The following NLRP9 variants were observed in gnomAD, a reference collection of about 807,000 sequenced individuals.
NLRP9 encodes the protein NACHT, LRR and PYD domains-containing protein 9.
NLRP9 carries 88 observed loss-of-function variants against 83.1 expected under a neutral mutation model. The observed-to-expected ratio is 1.06, with a 90% CI of 0.89 to 1.26. The LOEUF (loss-of-function observed/expected upper bound fraction) is 1.26. NLRP9 is among the 50% of genes most tolerant of loss of function. The pLI, the probability that NLRP9 is intolerant of heterozygous loss-of-function variation, is 0.00. For missense variants in NLRP9, 1,308 were observed against 1,179.3 expected, an observed-to-expected ratio of 1.11 and a Z score of -1.60; for synonymous variants, 521 against 447.6, an observed-to-expected ratio of 1.16 and a Z score of -2.07.
At chr19:55,712,078 C>CT in intron 7 of NLRP9, 108 bp from the exon 8 acceptor site, 1 of 1,125,444 alleles carries the variant, frequency 8.9e-7, no homozygotes, top group East Asian at 2.5e-5. Flanking sequence ...GCTCTGCTGT[C>CT]TAGACCCGGG....
In NLRP9 at chr19:55,712,765, G is replaced by A. The variant is rs374172562; in HGVS notation, c.2502-175C>T. Among the ~76,000 whole-genome samples the A allele has an allele frequency of 2.0e-4, 20 of 100,982 alleles. 1 individual carries two copies. In the South Asian group the frequency reaches 5.2e-3, roughly 26 times the overall value. The allele number at this position is 100,982 out of a possible 152,430, so 66.2% of individuals were successfully genotyped here. On this transcript the variant is annotated intron_variant, in intron 6 of 8. Coordinates refer to ENST00000332836, the MANE Select transcript of NLRP9 (RefSeq NM_176820.4). ...GAGGGAGGAGAGAAGAGCAGAGGAC[G>A]GGAGGGTGGGAGAATGAGGGAGGAG...
At chr19:55,731,956 C>T (rs762397926) in intron 2 of NLRP9, 43 bp downstream of exon 2, 4 of 1,303,624 alleles carry the variant, frequency 3.1e-6, no homozygotes, top group Non-Finnish European at 4.3e-6. Context: ...AGAGCAAACT[C>T]CAAGTGTAGT....
In NLRP9 at chr19:55,732,905, T is replaced by C. The variant is rs2122333050; in HGVS notation, c.926A>G (p.Tyr309Cys). 6.2e-7 allele frequency: 1 copy of C among 1,613,858 alleles called. No homozygotes were observed. Among genetic ancestry groups the C allele is most frequent in the Non-Finnish European group, 8.5e-7 (1 of 1,179,960 alleles). ...GGCTTTGCTCTTCTCACCAAAGAAG[T>C]AGGAGAAATACGACTTCTTTTCAGA... ...SESEKKSYFS[Y>C]FFGEKSKALK... Residue 309 changes from tyrosine (Y) to cysteine (C), a missense_variant, in exon 2 of 9, where the codon TAC becomes TGC. Transcript: ENST00000332836.
chr19:55,708,556 G>C lies in NLRP9; in HGVS notation c.*356C>G, dbSNP rs531028782. 2.4e-5 allele frequency: 4 copies of C among 167,572 alleles called. No homozygotes were observed. The highest frequency in any genetic ancestry group is 9.5e-5 in the African/African-American group (4 of 42,138). 10.4% of individuals were successfully genotyped at this position (167,572 alleles called of 1,614,324 possible). On this transcript the variant is annotated 3_prime_UTR_variant, in exon 9 of 9. Transcript: ENST00000332836. ...ACATTCTAGCATCACTTCTGTGTCA[G>C]AAGTATCCGGATTGTGGTGCCTACA... is the stretch of plus-strand genomic sequence containing the variant.
chr19:55,736,214 A>AC (rs1316446069), intron 1 of NLRP9, among the ~76,000 whole-genome samples: 1 of 151,460 alleles, frequency 6.6e-6, no homozygotes, highest in African/African-American at 2.4e-5. Context: ...ACACGGTGAG[A>AC]CCCCATCTCT....
At chr19:55,719,778 T>C (rs1020947) in intron 4 of NLRP9, among the ~76,000 whole-genome samples, 66,687 of 152,008 alleles carry the variant, frequency 0.44, 16,233 homozygotes, top group African/African-American at 0.66. Context: ...CCTGTGCAAA[T>C]GTTCATCCAC....
chr19:55,734,738 G>T (rs904264991), intron 1 of NLRP9, among the ~76,000 whole-genome samples: 1 of 151,248 alleles, frequency 6.6e-6, no homozygotes, highest in Non-Finnish European at 1.5e-5. Context: ...GGGTTCAAGC[G>T]ATTCTTCTGC....
intron 2 of NLRP9, among the ~76,000 whole-genome samples, chr19:55,731,702 T>A (rs1600141325): frequency 7.5e-6 from 1 of 133,606 alleles, no homozygotes. Context: ...CCAGCCTGGG[T>A]GATAGAGCAA....
Position 55,711,826 on chromosome 19 carries a change from G to T in NLRP9, c.2817C>A (p.His939Gln), listed in dbSNP as rs749535210. The T allele has an allele frequency of 6.2e-7, 1 of 1,613,208 alleles. No homozygotes were observed. Among genetic ancestry groups the T allele is most frequent in the African/African-American group, 1.3e-5 (1 of 74,920 alleles). Reference sequence around the variant, plus strand: ...CCAGCATCTGCAGGGCACAGTCCGGGTGGCTCAATGCCTCACACAGCACCA... The same window carrying T: ...CCAGCATCTGCAGGGCACAGTCCGGTTGGCTCAATGCCTCACACAGCACCA... Reference protein sequence around the residue: ...AVVVLCEALSHPDCALQMLGL... With the variant: ...AVVVLCEALSQPDCALQMLGL... The change falls in exon 8 of 9, where the codon CAC (histidine) becomes CAA (glutamine). Residue 939 changes from histidine to glutamine, a missense_variant. Physicochemically the swap from His to Gln is conservative, Grantham distance 24. Coordinates refer to ENST00000332836, the MANE Select transcript of NLRP9 (RefSeq NM_176820.4).
chr19:55,723,769 C>T (rs534342954), intron 4 of NLRP9, among the ~76,000 whole-genome samples: 1 of 147,132 alleles, frequency 6.8e-6, no homozygotes, highest in East Asian at 2.0e-4. Flanking sequence ...AAAGTGAGTA[C>T]TAGAGATGGG....
chr19:55,716,319 C>T (rs1272272196), intron 5 of NLRP9, among the ~76,000 whole-genome samples: 4 of 144,180 alleles, frequency 2.8e-5, no homozygotes. Context: ...AGTGCAGTGG[C>T]ACAATCTCGG....
At chr19:55,731,363 GAAAAA>G (rs113828486) in intron 2 of NLRP9, among the ~76,000 whole-genome samples, 1 of 135,546 alleles carries the variant, frequency 7.4e-6, no homozygotes, top group African/African-American at 2.7e-5. Flanking sequence ...TAAAAATGGT[GAAAAA>G]AAAAAAGAAG....
Position 55,733,527 on chromosome 19 carries a change from G to T in NLRP9, c.304C>A (p.His102Asn). The T allele has an allele frequency of 6.3e-7, 1 of 1,596,392 alleles. No homozygotes were observed. The change falls in exon 2 of 9, where the codon CAT becomes AAT. Residue 102 changes from histidine to asparagine, a missense_variant. Transcript: ENST00000332836. ...ATGAGTTGAAATGTTTCCTTCATAT[G>T]CTTTCTGTATGGGTTTAGCTTATCT... ...MRNKLNPYRKHMKETFQLIWE... is the reference protein window; with the variant it reads ...MRNKLNPYRKNMKETFQLIWE...
At position 55,728,781 on chromosome 19, in the gene NLRP9, T is replaced by G. The variant is rs75187399; in HGVS notation, c.1994+1050A>C. ...CTTTGGGAGCATAGCAAGTCTTCCG[T>G]GATGACATGACTTTTCAAGCTGAAG... On this transcript the variant is annotated intron_variant, in intron 3 of 8. Transcript: ENST00000332836. Among the ~76,000 whole-genome samples the G allele has an allele frequency of 3.6e-3, 542 of 152,268 alleles. 1 individual carries two copies. The highest frequency in any genetic ancestry group is 0.01 in the Middle Eastern group (3 of 294).
intron 6 of NLRP9, 134 bp downstream of exon 6, chr19:55,714,921 G>A (rs1987947124): frequency 9.1e-6 from 7 of 772,720 alleles, no homozygotes; most frequent in African/African-American, 3.5e-5. Context: ...GCCTGGGGGT[G>A]AGGACCCAAC....
chr19:55,729,776 TAG>T, intron 3 of NLRP9, 53 bp downstream of exon 3: 2 of 1,475,894 alleles, frequency 1.4e-6, no homozygotes, highest in South Asian at 2.5e-5. Flanking sequence ...AAGGCCACAG[TAG>T]AGAGAAGGAA....
intron 1 of NLRP9, among the ~76,000 whole-genome samples, chr19:55,737,034 C>A (rs1483784955): frequency 4.6e-5 from 7 of 151,958 alleles, no homozygotes; most frequent in Non-Finnish European, 8.8e-5. Context: ...GAGAAGATAA[C>A]AATCATCAGA....
chr19:55,731,888 C>G, intron 2 of NLRP9, 111 bp downstream of exon 2: 1 of 664,748 alleles, frequency 1.5e-6, no homozygotes, highest in Non-Finnish European at 2.5e-6. Context: ...TTTCTGACTC[C>G]GACCTCCATG....
chr19:55,729,625 C>T (rs908121280), intron 3 of NLRP9, among the ~76,000 whole-genome samples: 2 of 151,980 alleles, frequency 1.3e-5, no homozygotes, highest in Admixed American at 1.3e-4. Context: ...TTTCTTTATC[C>T]AGTCTATCAT....
Sources: gnomAD v4.1 joint callset for allele counts (sites outside exome capture counted in the v4.1 genomes callset) on GRCh38, gnomAD v4.1.1 for gene constraint, MANE v1.5 for transcripts, NCBI Gene and HGNC (gene_info 2026-07-23, HGNC 2026-07-21) for gene names.